ZNF850: variants seen among roughly 807,000 people sequenced by gnomAD.
The protein encoded by ZNF850 is zinc finger protein 850.
A neutral mutation model predicts 11.9 loss-of-function variants in ZNF850; 2 were observed. The ratio of observed to expected loss-of-function variants is 0.17; its 90% CI spans 0.07 to 0.53. The LOEUF (loss-of-function observed/expected upper bound fraction) is 0.53, where lower values mean the gene tolerates loss of function less well. Among genes scored for constraint, ZNF850 ranks in the 20% least tolerant of loss-of-function variants. ZNF850 has a pLI of 0.94. For synonymous variants in ZNF850, 381 were observed against 443.0 expected (o/e 0.86, Z 1.76); for missense variants, 1,014 against 1,316.4 (o/e 0.77, Z 3.55).
intron 1 of ZNF850, 125 bp from the exon 2 acceptor site, chr19:36,762,800 A>C (rs2040527068): frequency 3.4e-6 from 2 of 593,726 alleles, no homozygotes; most frequent in Non-Finnish European, 2.9e-6. Context: ...CTGATATGCA[A>C]ATTACTATTT....
chr19:36,749,346 T>G lies in ZNF850; in HGVS notation c.1694A>C (p.Glu565Ala). The change falls in exon 5 of 5, where the codon GAA becomes GCA. Residue 565 changes from glutamate to alanine, a missense_variant. By Grantham distance (107) the Glu-to-Ala change is moderately radical. This residue lies in a region of ZNF850 where 835 missense variants were observed against 1,022.0 expected (regional missense o/e 0.82). Coordinates refer to ENST00000591344, the MANE Select transcript of ZNF850 (RefSeq NM_001193552.2). ...HTGEKPYDCK[E>A]CGKSFTSRSA... Reference sequence around the variant, plus strand: ...GCGAGAAGTAAAAGATTTTCCACATTCTTTACAATCATAGGGTTTCTCACC... The same window carrying G: ...GCGAGAAGTAAAAGATTTTCCACATGCTTTACAATCATAGGGTTTCTCACC... 5 of 1,551,448 alleles carry G rather than the reference T, an allele frequency of 3.2e-6. No individual in the cohort carries two copies. The highest frequency in any genetic ancestry group is 3.5e-6 in the Non-Finnish European group (4 of 1,152,818).
At chr19:36,753,669 C>G (rs1568735346) in intron 4 of ZNF850, among the ~76,000 whole-genome samples, 1 of 151,944 alleles carries the variant, frequency 6.6e-6, no homozygotes, top group Non-Finnish European at 1.5e-5. Context: ...AGCTTACACA[C>G]CATGCTTGCT....
rs1221508751 is a variant in ZNF850, at chr19:36,749,754, G to C, written c.1286C>G (p.Ser429Cys). Reference sequence around the variant, plus strand: ...AATTAGTGTTGAGCCAGCAGTAAAAGATTTTCCACATTCTTTACAATCATA... The same window carrying C: ...AATTAGTGTTGAGCCAGCAGTAAAACATTTTCCACATTCTTTACAATCATA... ...KPYDCKECGK[S>C]FTAGSTLIQH... Residue 429 changes from serine (S) to cysteine (C), a missense_variant, in exon 5 of 5, where the codon TCT becomes TGT. Physicochemically the swap from Ser to Cys is moderately radical, Grantham distance 112. Around this residue, in one of 2 missense-constraint regions of ZNF850, gnomAD observed 835 missense variants for 1,022.0 expected, o/e 0.82. Transcript: ENST00000591344. 1.3e-6 allele frequency: 2 copies of C among 1,555,144 alleles called. No individual in the cohort carries two copies.
chr19:36,754,602 C>T (rs2040474061), intron 4 of ZNF850, among the ~76,000 whole-genome samples: 1 of 152,014 alleles, frequency 6.6e-6, no homozygotes, highest in Non-Finnish European at 1.5e-5. Flanking sequence ...GTCACCCAGG[C>T]TGGAGTACAG....
intron 1 of ZNF850, among the ~76,000 whole-genome samples, chr19:36,772,153 A>C (rs2040588714): frequency 6.6e-6 from 1 of 152,194 alleles, no homozygotes; most frequent in Non-Finnish European, 1.5e-5. Flanking sequence ...TTATCAGTGC[A>C]GCTGAGGAAT....
chr19:36,765,582 ATTT>A (rs371481745), intron 1 of ZNF850, among the ~76,000 whole-genome samples: 5 of 124,418 alleles, frequency 4.0e-5, no homozygotes, highest in Admixed American at 1.8e-4. Flanking sequence ...CAAAGTAAAG[ATTT>A]TTTTTTTTTT....
intron 1 of ZNF850, among the ~76,000 whole-genome samples, chr19:36,762,897 TG>T (rs1191399481): frequency 6.6e-6 from 1 of 152,018 alleles, no homozygotes; most frequent in African/African-American, 2.4e-5. Flanking sequence ...TTTTTGTTTT[TG>T]TTTTCGTTTT....
In ZNF850 at chr19:36,748,186, G is replaced by A. The variant is rs1216146449; in HGVS notation, c.2854C>T (p.Pro952Ser). The change falls in exon 5 of 5, where the codon CCC (proline) becomes TCC (serine). Residue 952 changes from proline to serine, a missense_variant. Physicochemically the swap from Pro to Ser is moderately conservative, Grantham distance 74 (BLOSUM62 -1). Transcript: ENST00000591344. ...KHHSIHTGEK[P>S]YECKTCGKSF... ...TTCCCACATGTCTTACATTCATAGG[G>A]TTTCTCGCCAGTGTGAATACTGTGA... 1 of 1,553,580 alleles carries A rather than the reference G, an allele frequency of 6.4e-7. No individual in the cohort carries two copies.
At chr19:36,756,240 T>G (rs1453668055) in intron 4 of ZNF850, among the ~76,000 whole-genome samples, 5 of 152,050 alleles carry the variant, frequency 3.3e-5, no homozygotes, top group Non-Finnish European at 5.9e-5. Context: ...CACCTACTTG[T>G]TCACTAAGAT....
chr19:36,758,975 C>T (rs1425301937), intron 4 of ZNF850, among the ~76,000 whole-genome samples: 1 of 151,726 alleles, frequency 6.6e-6, no homozygotes, highest in Non-Finnish European at 1.5e-5. Flanking sequence ...CCCAGCTACT[C>T]AGGAGGCTAA....
In ZNF850 at chr19:36,748,966, G is replaced by A. The variant is rs186007807; in HGVS notation, c.2074C>T (p.Arg692Trp). ...GGTTTCTCACCAGTATGAATTCTCC[G>A]ATGTTGATTAAGGTATGTACGCTGT... is the stretch of plus-strand genomic sequence containing the variant. Reference protein sequence around the residue: ...FRQRTYLNQHRRIHTGEKPYE... With the variant: ...FRQRTYLNQHWRIHTGEKPYE... The change falls in exon 5 of 5, where the codon CGG becomes TGG. Residue 692 changes from arginine to tryptophan, a missense_variant. Transcript: ENST00000591344. 64 of 1,597,118 alleles carry A rather than the reference G, an allele frequency of 4.0e-5. No homozygotes were observed. Among genetic ancestry groups the A allele is most frequent in the Middle Eastern group, 1.7e-4 (1 of 6,042 alleles).
chr19:36,759,750 T>C (rs2040507362), intron 4 of ZNF850, among the ~76,000 whole-genome samples: 1 of 152,204 alleles, frequency 6.6e-6, no homozygotes, highest in Admixed American at 6.6e-5. Context: ...TAATGTTCTA[T>C]GGATAAAGGG....
chr19:36,754,718 G>A (rs1292329423), intron 4 of ZNF850, among the ~76,000 whole-genome samples: 1 of 151,948 alleles, frequency 6.6e-6, no homozygotes, highest in Non-Finnish European at 1.5e-5. Flanking sequence ...ACCACGCCCG[G>A]CTAATTTTTT....
Position 36,746,752 on chromosome 19 carries a change from T to TAGCCA in ZNF850, c.*1014_*1015insTGGCT, listed in dbSNP as rs2040413672. 1 of 152,196 alleles carries TAGCCA rather than the reference T, an allele frequency of 6.6e-6. No homozygotes were observed. The highest frequency in any genetic ancestry group is 2.4e-5 in the African/African-American group (1 of 41,436). The allele number at this position is 152,196 out of a possible 1,614,324, so 9.4% of individuals were successfully genotyped here. ...CCAGCAAGGACTTTCTTAGCCACCTTTGCAGTTATGGGCTAAAGTAGACAG... is the reference window on the plus strand; with the variant it reads ...CCAGCAAGGACTTTCTTAGCCACCTTAGCCATGCAGTTATGGGCTAAAGTAGACAG... On this transcript the variant is annotated 3_prime_UTR_variant, in exon 5 of 5. Transcript: ENST00000591344.
chr19:36,771,669 C>T (rs547042698), intron 1 of ZNF850, among the ~76,000 whole-genome samples: 1 of 152,246 alleles, frequency 6.6e-6, no homozygotes, highest in African/African-American at 2.4e-5. Context: ...AGAGGCCGCG[C>T]TCACAGTCTA....
At chr19:36,764,982 G>A (rs1392165554) in intron 1 of ZNF850, among the ~76,000 whole-genome samples, 5 of 151,990 alleles carry the variant, frequency 3.3e-5, no homozygotes, top group African/African-American at 7.2e-5. Context: ...CACCATGCCC[G>A]GGCAACTCTG....
chr19:36,747,869 ACT>A lies in ZNF850; in HGVS notation c.3169_3170del (p.Ser1057CysfsTer9), dbSNP rs765794612. 5.7e-6 allele frequency: 9 copies of A among 1,579,910 alleles called. No individual in the cohort carries two copies. The South Asian group carries it at 1.0e-4, about 18-fold the overall frequency. On this transcript the variant is annotated frameshift_variant, in exon 5 of 5. Transcript: ENST00000591344. LOFTEE classifies it low-confidence loss of function (END_TRUNC). ...FYASGLSRHQSVHTGEKPYEC... is the reference protein window; with the variant it reads ...FYASGLSRHQXVHTGEKPYEC... ...CATAGGGTTTCTCGCCAGTGTGAAC[ACT>A]CTGATGTCGGCTGAGTCCTGAGGCA...
intron 1 of ZNF850, among the ~76,000 whole-genome samples, chr19:36,769,089 T>C (rs1341123301): frequency 6.6e-6 from 1 of 151,332 alleles, no homozygotes; most frequent in African/African-American, 2.4e-5. Context: ...GGTGAAACCC[T>C]GTCTCTACTA....
chr19:36,750,877 G>C, intron 4 of ZNF850, 73 bp from the exon 5 acceptor site: 1 of 1,397,944 alleles, frequency 7.2e-7, no homozygotes, highest in Admixed American at 2.8e-5. Flanking sequence ...ATGGTAGAAA[G>C]GGGAGACAAA....
Sources: allele counts gnomAD v4.1 joint callset (sites outside exome capture counted in the v4.1 genomes callset), GRCh38; gene constraint gnomAD v4.1.1; regional missense constraint gnomAD v4.1.1; transcripts MANE v1.5; gene names NCBI Gene and HGNC (gene_info 2026-07-23, HGNC 2026-07-21).